The following SPMAP2L variants were observed in gnomAD, a reference collection of about 807,000 sequenced individuals.
The protein encoded by SPMAP2L is sperm microtubule associated protein 2-like.
chr4:56,614,408 A>C, the SPMAP2L span, among the ~76,000 whole-genome samples: 1 of 152,078 alleles, frequency 6.6e-6, no homozygotes, highest in Non-Finnish European at 1.5e-5. Flanking sequence ...TAATCCCAGC[A>C]CTTTGAGAGG....
the SPMAP2L span, chr4:56,595,386 G>A: frequency 2.0e-3 from 3,191 of 1,603,328 alleles, 34 homozygotes; most frequent in African/African-American, 0.028. Flanking sequence ...CCACTGAGTC[G>A]GAGGACAAGG....
the SPMAP2L span, among the ~76,000 whole-genome samples, chr4:56,605,812 T>C: frequency 2.6e-5 from 4 of 152,208 alleles, no homozygotes; most frequent in South Asian, 6.2e-4. Context: ...CTCCAAGAGA[T>C]AACAACATAA....
chr4:56,534,609 G>A, the SPMAP2L span, among the ~76,000 whole-genome samples: 5 of 152,152 alleles, frequency 3.3e-5, no homozygotes, highest in South Asian at 2.1e-4. Context: ...TATCGTCCCC[G>A]CTTGAATATC....
At chr4:56,561,976 G>A in the SPMAP2L span, among the ~76,000 whole-genome samples, 1,590 of 152,044 alleles carry the variant, frequency 0.01, 25 homozygotes, top group African/African-American at 0.036. Context: ...TGCCTGCCTC[G>A]GCCTCCCAAA....
At chr4:56,537,897 G>T in the SPMAP2L span, among the ~76,000 whole-genome samples, 1 of 152,074 alleles carries the variant, frequency 6.6e-6, no homozygotes, top group Non-Finnish European at 1.5e-5. Flanking sequence ...GTTTCACCAT[G>T]TTAGCCAGGA....
At chr4:56,545,086 C>T in the SPMAP2L span, among the ~76,000 whole-genome samples, 1 of 152,180 alleles carries the variant, frequency 6.6e-6, no homozygotes, top group Non-Finnish European at 1.5e-5. Context: ...ATTGACTAAT[C>T]TATGAGAGAG....
At chr4:56,593,354 A>T in the SPMAP2L span, 2 of 1,192,950 alleles carry the variant, frequency 1.7e-6, no homozygotes, top group Non-Finnish European at 2.5e-6. Context: ...GCTGTTGTCC[A>T]GACTCGAGCC....
chr4:56,552,465 TCCCCCC>T, the SPMAP2L span: 1 of 662,330 alleles, frequency 1.5e-6, no homozygotes, highest in Non-Finnish European at 2.6e-6. Context: ...TTCTTTTTTT[TCCCCCC>T]TCCTATGAGC....
chr4:56,534,096 C>T, the SPMAP2L span, among the ~76,000 whole-genome samples: 1 of 152,180 alleles, frequency 6.6e-6, no homozygotes, highest in African/African-American at 2.4e-5. Flanking sequence ...CTTTGCTCTG[C>T]TTTAGAGGAA....
At chr4:56,593,067 G>A in the SPMAP2L span, 1 of 1,584,304 alleles carries the variant, frequency 6.3e-7, no homozygotes, top group South Asian at 1.1e-5. Flanking sequence ...ATTGGCATGG[G>A]CTATTGTAAC....
chr4:56,538,221 T>A, the SPMAP2L span, among the ~76,000 whole-genome samples: 1 of 152,162 alleles, frequency 6.6e-6, no homozygotes, highest in African/African-American at 2.4e-5. Context: ...TCACTCGCCC[T>A]CATGCTCACT....
the SPMAP2L span, chr4:56,531,018 G>A: frequency 5.2e-6 from 8 of 1,535,332 alleles, no homozygotes; most frequent in Non-Finnish European, 7.0e-6. Flanking sequence ...AACTCCTCAA[G>A]GCCCGTGAAC....
At chr4:56,538,325 C>T in the SPMAP2L span, among the ~76,000 whole-genome samples, 1 of 152,100 alleles carries the variant, frequency 6.6e-6, no homozygotes, top group Non-Finnish European at 1.5e-5. Context: ...TTCTCTCTAC[C>T]TGGCATGCCT....
chr4:56,579,384 A>G, the SPMAP2L span, among the ~76,000 whole-genome samples: 143 of 152,314 alleles, frequency 9.4e-4, 2 homozygotes, highest in Middle Eastern at 3.4e-3. Context: ...TCACTTTGAT[A>G]TGAATAAAAC....
the SPMAP2L span, among the ~76,000 whole-genome samples, chr4:56,560,549 C>G: frequency 6.6e-6 from 1 of 152,160 alleles, no homozygotes; most frequent in Non-Finnish European, 1.5e-5. Flanking sequence ...TATTGTCTTC[C>G]CCTGTGGGAA....
At chr4:56,591,795 C>G in the SPMAP2L span, among the ~76,000 whole-genome samples, 37,538 of 152,080 alleles carry the variant, frequency 0.25, 5,849 homozygotes, top group East Asian at 0.49. Context: ...ACTTGGGAGT[C>G]TAGTGGGGAG....
the SPMAP2L span, among the ~76,000 whole-genome samples, chr4:56,586,239 C>T: frequency 1.3e-5 from 2 of 152,156 alleles, no homozygotes; most frequent in Non-Finnish European, 2.9e-5. Context: ...ATTTATTTCT[C>T]ACAGTTCTGA....
chr4:56,601,162 A>G, the SPMAP2L span: 2,026 of 1,476,008 alleles, frequency 1.4e-3, 51 homozygotes, highest in South Asian at 0.025. Context: ...TTCTGGGGAG[A>G]GGGAGAAAGT....
the SPMAP2L span, among the ~76,000 whole-genome samples, chr4:56,620,526 C>G: frequency 6.6e-6 from 1 of 152,174 alleles, no homozygotes; most frequent in African/African-American, 2.4e-5. Flanking sequence ...GCTGGGATTA[C>G]AGGCATGCGC....
Sources: allele counts gnomAD v4.1 joint callset (sites outside exome capture counted in the v4.1 genomes callset), GRCh38; gene constraint gnomAD v4.1.1; transcripts MANE v1.5; gene names NCBI Gene and HGNC (gene_info 2026-07-23, HGNC 2026-07-21).